IRF2: variants seen among roughly 807,000 people sequenced by gnomAD.
IRF2 encodes the protein interferon regulatory factor 2.
Under a neutral mutation model 40.6 loss-of-function variants are expected in IRF2, and 15 were observed. The observed-to-expected ratio is 0.37, with a 90% confidence interval of 0.25 to 0.57. The LOEUF is 0.57. Ranked by LOEUF, IRF2 falls within the 20% of genes least tolerant of loss-of-function variation. The probability of loss-of-function intolerance (pLI) is 0.77; values close to 1 mark genes in which losing one functional copy is unlikely to be tolerated. For missense variants in IRF2, 317 were observed against 455.7 expected (o/e 0.70, Z 2.77); for synonymous variants, 151 against 165.5 (o/e 0.91, Z 0.67).
At position 184,419,572 on chromosome 4, in the gene IRF2, A is replaced by C; in HGVS notation, c.88-4T>G. The C allele has an allele frequency of 1.5e-5, 6 of 397,530 alleles. No individual in the cohort carries two copies. The highest frequency in any genetic ancestry group is 8.9e-5 in the African/African-American group (1 of 11,298). 24.6% of individuals were successfully genotyped at this position (397,530 alleles called of 1,614,324 possible). On this transcript the variant is annotated splice_polypyrimidine_tract_variant and splice_region_variant and intron_variant, in intron 2 of 8. Coordinates refer to ENST00000393593, the MANE Select transcript of IRF2 (RefSeq NM_002199.4). ...GGATCTGAAAAATCTTCTTTTCCTG[A>C]AAAAAAAAAAAAAAAAAAAGGTAAA... is the stretch of plus-strand genomic sequence containing the variant.
In IRF2 at chr4:184,438,988, C is replaced by T. The variant is rs368954147; in HGVS notation, c.-6-9918G>A. Among the ~76,000 whole-genome samples the T allele has an allele frequency of 1.4e-3, 213 of 152,250 alleles. 2 individuals are homozygous for T. The highest frequency in any genetic ancestry group is 9.3e-3 in the South Asian group (45 of 4,826). ...ATTGCCAGTCCTGAAATCAGAAAGA[C>T]GTTTAACGTTTGGATGGAGGGCTAG... On this transcript the variant is annotated intron_variant, in intron 1 of 8. Coordinates refer to ENST00000393593, the MANE Select transcript of IRF2 (RefSeq NM_002199.4).
chr4:184,443,114 TG>T (rs1738375580), intron 1 of IRF2, among the ~76,000 whole-genome samples: 1 of 152,120 alleles, frequency 6.6e-6, no homozygotes, highest in Non-Finnish European at 1.5e-5. Context: ...TTAGTAGAGA[TG>T]GGGTTTCACC....
In IRF2 at chr4:184,399,059, C is replaced by A; in HGVS notation, c.550G>T (p.Asp184Tyr). Reference protein sequence around the residue: ...NIIVVGQSHLDSNIENQEIVT... With the variant: ...NIIVVGQSHLYSNIENQEIVT... ...ATCTCTTGATTCTCAATGTTGCTGT[C>A]CAGATGGGACTGTCCTACAACTTCA... Residue 184 changes from aspartate (D) to tyrosine (Y), a missense_variant, in exon 7 of 9, where the codon GAC becomes TAC. Asp to Tyr is a radical substitution (Grantham distance 160). Transcript: ENST00000393593. 1.2e-6 allele frequency: 2 copies of A among 1,608,172 alleles called. No individual in the cohort carries two copies. Among genetic ancestry groups the A allele is most frequent in the Non-Finnish European group, 1.7e-6 (2 of 1,177,148 alleles).
intron 1 of IRF2, among the ~76,000 whole-genome samples, chr4:184,456,444 G>T (rs1248364806): frequency 6.6e-6 from 1 of 152,226 alleles, no homozygotes; most frequent in Non-Finnish European, 1.5e-5. Flanking sequence ...TTGGTGATAC[G>T]AAGAAGCTGC....
chr4:184,389,206 C>A, intron 8 of IRF2, 140 bp from the exon 9 acceptor site: 1 of 799,644 alleles, frequency 1.3e-6, no homozygotes, highest in South Asian at 1.6e-5. Context: ...GATCACTTAA[C>A]CTCAGGAGTT....
intron 1 of IRF2, among the ~76,000 whole-genome samples, chr4:184,429,612 A>G (rs1737801586): frequency 6.6e-6 from 1 of 152,168 alleles, no homozygotes; most frequent in African/African-American, 2.4e-5. Flanking sequence ...TCCACCAACT[A>G]CCCGTCCCTC....
intron 7 of IRF2, among the ~76,000 whole-genome samples, chr4:184,391,608 A>C (rs1420910086): frequency 6.6e-6 from 1 of 152,236 alleles, no homozygotes; most frequent in African/African-American, 2.4e-5. Flanking sequence ...ACCCTTCCCC[A>C]GTTGAGCCTC....
At chr4:184,405,941 C>T (rs1375033271) in intron 6 of IRF2, among the ~76,000 whole-genome samples, 1 of 151,524 alleles carries the variant, frequency 6.6e-6, no homozygotes, top group African/African-American at 2.4e-5. Context: ...CACAGTCTCA[C>T]CTCAGTGCCC....
intron 1 of IRF2, among the ~76,000 whole-genome samples, chr4:184,440,070 A>G (rs1738244955): frequency 6.6e-6 from 1 of 152,228 alleles, no homozygotes; most frequent in South Asian, 2.1e-4. Context: ...CAGATGTAAG[A>G]AACACAGTGC....
intron 1 of IRF2, among the ~76,000 whole-genome samples, chr4:184,466,913 T>C (rs1739349435): frequency 6.6e-6 from 1 of 152,202 alleles, no homozygotes; most frequent in Non-Finnish European, 1.5e-5. Context: ...AGTATCTGTG[T>C]ATCTAAACAT....
At chr4:184,431,986 A>T (rs1737899552) in intron 1 of IRF2, 1 of 152,214 alleles carries the variant, frequency 6.6e-6, no homozygotes, top group African/African-American at 2.4e-5. Flanking sequence ...GATGGCTTTT[A>T]AAGTTCTCAC....
At chr4:184,445,957 T>C (rs1738492145) in intron 1 of IRF2, among the ~76,000 whole-genome samples, 1 of 151,970 alleles carries the variant, frequency 6.6e-6, no homozygotes, top group Non-Finnish European at 1.5e-5. Flanking sequence ...ATATGACTGG[T>C]GTCCTTTTAA....
chr4:184,457,223 C>T (rs935978135), intron 1 of IRF2, among the ~76,000 whole-genome samples: 1 of 152,236 alleles, frequency 6.6e-6, no homozygotes, highest in Non-Finnish European at 1.5e-5. Flanking sequence ...GGGAATTTTC[C>T]TGGATCATCC....
intron 6 of IRF2, among the ~76,000 whole-genome samples, chr4:184,403,149 C>T (rs372759074): frequency 3.3e-5 from 5 of 152,110 alleles, no homozygotes; most frequent in South Asian, 2.1e-4. Context: ...ATCCAGACAT[C>T]GTGGGTACTT....
At chr4:184,440,127 T>C (rs570705146) in intron 1 of IRF2, among the ~76,000 whole-genome samples, 1 of 152,362 alleles carries the variant, frequency 6.6e-6, no homozygotes, top group South Asian at 2.1e-4. Flanking sequence ...TGACATTTTC[T>C]TGACTTTCCC....
chr4:184,474,126 C>G lies in IRF2; in HGVS notation c.-7+253G>C, dbSNP rs867105178. ...TCTACCTCCTCCTCCTCCTCCTCCT[C>G]GCAGCCTCAGCAGCCCCAGTAGCAG... is the stretch of plus-strand genomic sequence containing the variant. On this transcript the variant is annotated intron_variant, in intron 1 of 8. Coordinates refer to ENST00000393593, the MANE Select transcript of IRF2 (RefSeq NM_002199.4). The surrounding 1 kb of genome is among the most constrained non-coding windows in gnomAD (Gnocchi z 5.6). 6.5e-6 allele frequency: 1 copy of G among 153,736 alleles called. No individual in the cohort carries two copies. Among genetic ancestry groups the G allele is most frequent in the Non-Finnish European group, 1.4e-5 (1 of 69,086 alleles). The allele number at this position is 153,736 out of a possible 1,614,324, so 9.5% of individuals were successfully genotyped here. A position where few individuals can be genotyped will look rare whatever the true frequency, so the allele number is the denominator to read the frequency against.
In IRF2 at chr4:184,408,324, CCTTCT is replaced by C. The variant is rs1435332587; in HGVS notation, c.412-54_412-50del. The C allele has an allele frequency of 1.7e-6, 2 of 1,159,482 alleles. No individual in the cohort carries two copies. Among genetic ancestry groups the C allele is most frequent in the African/African-American group, 3.0e-5 (2 of 65,698 alleles). The allele number at this position is 1,159,482 out of a possible 1,614,324, so 71.8% of individuals were successfully genotyped here. ...AATTGAGAACACTTCCTTTCCCCTC[CCTTCT>C]CTTAGCTGAAATTCTACCCTCTGCC... On this transcript the variant is annotated intron_variant, in intron 5 of 8. Coordinates refer to ENST00000393593, the MANE Select transcript of IRF2 (RefSeq NM_002199.4). This position sits in a 1 kb window ranked among gnomAD's most constrained non-coding sequence, Gnocchi z 4.9.
intron 2 of IRF2, among the ~76,000 whole-genome samples, chr4:184,420,648 T>C (rs1274388929): frequency 1.3e-5 from 2 of 152,172 alleles, no homozygotes; most frequent in East Asian, 3.9e-4. Context: ...GTACTCTTAG[T>C]AAAGCTACAG....
chr4:184,412,876 G>C (rs972375915), intron 5 of IRF2, among the ~76,000 whole-genome samples: 2 of 152,102 alleles, frequency 1.3e-5, no homozygotes, highest in Non-Finnish European at 2.9e-5. Context: ...AGCTACCAAC[G>C]CCATTCTCAA....
Sources: allele counts gnomAD v4.1 joint callset (sites outside exome capture counted in the v4.1 genomes callset), GRCh38; gene constraint gnomAD v4.1.1; non-coding constraint Gnocchi (gnomAD v3.1); transcripts MANE v1.5; gene names NCBI Gene and HGNC (gene_info 2026-07-23, HGNC 2026-07-21).